Variants in DSCAM observed in about 807,000 individuals in gnomAD.
DSCAM encodes cell adhesion molecule DSCAM.
A neutral mutation model predicts 217.7 loss-of-function variants in DSCAM; 47 were observed. The ratio of observed to expected loss-of-function variants is 0.22; its 90% CI spans 0.17 to 0.28. The LOEUF (loss-of-function observed/expected upper bound fraction) is 0.28. DSCAM is among the 10% of genes least tolerant of loss of function. The pLI, the probability that DSCAM is intolerant of heterozygous loss-of-function variation, is 1.00. For synonymous variants in DSCAM, 1,056 were observed against 1,015.3 expected (o/e 1.04, Z -0.76); for missense variants, 2,080 against 2,618.3 (o/e 0.79, Z 4.49).
intron 8 of DSCAM, among the ~76,000 whole-genome samples, chr21:40,334,919 G>A (rs931482381): frequency 3.3e-5 from 5 of 151,930 alleles, no homozygotes; most frequent in East Asian, 3.9e-4. Flanking sequence ...CCTGAAAACC[G>A]AAGTCCTGAT....
intron 3 of DSCAM, among the ~76,000 whole-genome samples, chr21:40,649,930 G>A (rs2089993161): frequency 6.6e-6 from 1 of 152,176 alleles, no homozygotes; most frequent in Non-Finnish European, 1.5e-5. Context: ...GTACAGACCT[G>A]GAGATTGCAG....
At chr21:40,152,499 C>G (rs1000487200) in intron 16 of DSCAM, among the ~76,000 whole-genome samples, 1 of 152,210 alleles carries the variant, frequency 6.6e-6, no homozygotes, top group Non-Finnish European at 1.5e-5. Flanking sequence ...TGCTCTCTCC[C>G]CCTTCCTAGC....
At chr21:40,582,117 C>T (rs2076910268) in intron 3 of DSCAM, among the ~76,000 whole-genome samples, 1 of 152,000 alleles carries the variant, frequency 6.6e-6, no homozygotes, top group South Asian at 2.1e-4. Context: ...CTGATTAAGC[C>T]CTACTGGGAT....
chr21:40,827,244 G>T (rs1021363374), intron 1 of DSCAM, among the ~76,000 whole-genome samples: 1 of 152,050 alleles, frequency 6.6e-6, no homozygotes, highest in Admixed American at 6.5e-5. Context: ...ATCTAGAAAC[G>T]TGGCCCATGT....
chr21:40,254,718 G>A (rs73368171), intron 11 of DSCAM, among the ~76,000 whole-genome samples: 12 of 151,942 alleles, frequency 7.9e-5, no homozygotes, highest in African/African-American at 2.7e-4. Context: ...GCTTCTTTCT[G>A]TGCCTCTCCA....
chr21:40,249,058 C>T (rs748588268), intron 11 of DSCAM, among the ~76,000 whole-genome samples: 6 of 152,214 alleles, frequency 3.9e-5, no homozygotes, highest in Non-Finnish European at 8.8e-5. Flanking sequence ...GGGTCCCTCC[C>T]ACAGCACATG....
intron 20 of DSCAM, among the ~76,000 whole-genome samples, chr21:40,112,111 A>G (rs1329231158): frequency 6.7e-6 from 1 of 148,916 alleles, no homozygotes; most frequent in Non-Finnish European, 1.5e-5. Context: ...AACAGAATAC[A>G]CATTTTTTTC....
At chr21:40,448,409 C>T (rs1399926836) in intron 3 of DSCAM, among the ~76,000 whole-genome samples, 2 of 152,118 alleles carry the variant, frequency 1.3e-5, no homozygotes, top group East Asian at 1.9e-4. Context: ...CTAGGACTTA[C>T]ACTAGTGGCC....
At chr21:40,222,702 GATA>G (rs142173474) in intron 11 of DSCAM, among the ~76,000 whole-genome samples, 6,504 of 152,074 alleles carry the variant, frequency 0.043, 324 homozygotes, top group African/African-American at 0.12. Flanking sequence ...GTATATTTAT[GATA>G]ATATGTCATA....
intron 11 of DSCAM, among the ~76,000 whole-genome samples, chr21:40,255,335 A>G (rs764137158): frequency 2.0e-5 from 3 of 152,226 alleles, no homozygotes; most frequent in Non-Finnish European, 2.9e-5. Flanking sequence ...CAAATGATCT[A>G]CTACATGTAT....
chr21:40,252,079 C>A (rs531983888), intron 11 of DSCAM, among the ~76,000 whole-genome samples: 1 of 152,254 alleles, frequency 6.6e-6, no homozygotes, highest in East Asian at 1.9e-4. Context: ...TTGATTGCAG[C>A]CTTGAGGAAG....
At chr21:40,676,278 A>G (rs1031757921) in intron 3 of DSCAM, among the ~76,000 whole-genome samples, 3 of 152,230 alleles carry the variant, frequency 2.0e-5, no homozygotes, top group Non-Finnish European at 4.4e-5. Context: ...GAAATTCAGG[A>G]AAATACACAT....
chr21:40,220,937 A>G (rs1026482375), intron 11 of DSCAM, among the ~76,000 whole-genome samples: 29 of 152,300 alleles, frequency 1.9e-4, no homozygotes, highest in African/African-American at 6.7e-4. Context: ...CACTCCATCA[A>G]TGGAGGTTTT....
At chr21:40,435,107 G>A (rs1445842903) in intron 3 of DSCAM, among the ~76,000 whole-genome samples, 3 of 152,224 alleles carry the variant, frequency 2.0e-5, no homozygotes, top group Non-Finnish European at 4.4e-5. Flanking sequence ...GGCAGGAGGT[G>A]GCAGAGATTA....
At chr21:40,518,741 T>C (rs745723239) in intron 3 of DSCAM, among the ~76,000 whole-genome samples, 4 of 148,788 alleles carry the variant, frequency 2.7e-5, no homozygotes, top group Non-Finnish European at 5.9e-5. Context: ...TTTTACTTCA[T>C]TGAGTTATAG....
At chr21:40,347,979 T>C (rs2074578264) in intron 5 of DSCAM, 34 bp from the exon 6 acceptor site, 14 of 1,591,150 alleles carry the variant, frequency 8.8e-6, no homozygotes, top group Non-Finnish European at 1.1e-5. Context: ...AGAAAAAAGA[T>C]AAAAACATCA....
intron 3 of DSCAM, among the ~76,000 whole-genome samples, chr21:40,429,280 T>C (rs1243364369): frequency 1.3e-5 from 2 of 152,102 alleles, no homozygotes; most frequent in Non-Finnish European, 2.9e-5. Flanking sequence ...CTTTTTTTTT[T>C]TTGGAGACAG....
At chr21:40,438,082 A>C (rs965629553) in intron 3 of DSCAM, among the ~76,000 whole-genome samples, 1 of 152,228 alleles carries the variant, frequency 6.6e-6, no homozygotes, top group African/African-American at 2.4e-5. Context: ...CAGTAGCAGC[A>C]GACCCAGGAC....
intron 3 of DSCAM, among the ~76,000 whole-genome samples, chr21:40,463,594 A>T (rs1168623171): frequency 3.3e-5 from 5 of 152,272 alleles, no homozygotes; most frequent in Admixed American, 6.5e-5. Flanking sequence ...ATCCTTTGCA[A>T]CATAGGCTGC....
Sources: allele counts gnomAD v4.1 joint callset (sites outside exome capture counted in the v4.1 genomes callset), GRCh38; gene constraint gnomAD v4.1.1; transcripts MANE v1.5; gene names NCBI Gene and HGNC (gene_info 2026-07-23, HGNC 2026-07-21).